The following PLEKHO1 variants were observed in gnomAD, a reference collection of about 807,000 sequenced individuals.
PLEKHO1 encodes the protein pleckstrin homology domain containing O1.
In PLEKHO1, 22 loss-of-function variants were observed where a neutral mutation model predicts 41.4. The observed-to-expected ratio is 0.53, with a 90% CI of 0.38 to 0.76. The LOEUF (loss-of-function observed/expected upper bound fraction) is 0.76. PLEKHO1 is among the 30% of genes least tolerant of loss of function. The pLI is 0.00. For missense variants in PLEKHO1, 488 were observed against 518.3 expected, an observed-to-expected ratio of 0.94 and a Z score of 0.57; for synonymous variants, 225 against 210.8, an observed-to-expected ratio of 1.07 and a Z score of -0.58.
chr1:150,150,404 G>A (rs587737670), intron 1 of PLEKHO1, 117 bp downstream of exon 1: 94 of 371,462 alleles, frequency 2.5e-4, no homozygotes, highest in African/African-American at 2.0e-3. Flanking sequence ...CCGCCCCGGC[G>A]GCCCGGTCCC....
intron 1 of PLEKHO1, 27 bp downstream of exon 1, chr1:150,150,314 CG>C: frequency 9.5e-7 from 1 of 1,051,906 alleles, no homozygotes; most frequent in Non-Finnish European, 1.2e-6. Flanking sequence ...GCCCTGCGGC[CG>C]CCGCCGCCTC....
intron 2 of PLEKHO1, chr1:150,154,797 G>A (rs1335817217): frequency 6.6e-6 from 1 of 152,206 alleles, no homozygotes; most frequent in African/African-American, 2.4e-5. Flanking sequence ...CCAGGAAAAC[G>A]TGACCAGGTT....
In PLEKHO1 at chr1:150,149,927, G is replaced by A. The variant is rs1214333710; in HGVS notation, c.-331G>A. On this transcript the variant is annotated 5_prime_UTR_variant, in exon 1 of 6. Transcript: ENST00000369124. ...GGACTGGGCCGCCCACAGCGCACCG[G>A]GCCGGGGGAGCGGCCGCGCTGGGCC... The A allele has an allele frequency of 6.6e-6, 1 of 151,196 alleles. No homozygotes were observed. Among genetic ancestry groups the A allele is most frequent in the Admixed American group, 6.6e-5 (1 of 15,154 alleles). 9.4% of individuals were successfully genotyped at this position (151,196 alleles called of 1,614,324 possible).
Position 150,157,411 on chromosome 1 carries a change from T to C in PLEKHO1, c.450T>C (p.Leu150=). The C allele has an allele frequency of 6.2e-7, 1 of 1,613,980 alleles. No individual in the cohort carries two copies. Among genetic ancestry groups the C allele is most frequent in the South Asian group, 1.1e-5 (1 of 91,070 alleles). The stretch of plus-strand genomic sequence containing the variant: ...TCACCGTTGAGGAGGACAGCTATCT[T>C]GCCCATCCCACTCGAGACAGGGCAA... ...DEVTVEEDSY[L]AHPTRDRAKI... The change falls in exon 5 of 6, where the codon CTT becomes CTC. Residue 150 remains leucine (L), a synonymous_variant. Coordinates refer to ENST00000369124, the MANE Select transcript of PLEKHO1 (RefSeq NM_016274.6).
chr1:150,159,121 ATC>A lies in PLEKHO1; in HGVS notation c.831_832del (p.Gln278AlafsTer14). On this transcript the variant is annotated frameshift_variant, in exon 6 of 6. Coordinates refer to ENST00000369124, the MANE Select transcript of PLEKHO1 (RefSeq NM_016274.6). LOFTEE classifies it high-confidence loss of function. Reference sequence around the variant, plus strand: ...GCTGCGCCTCCCTGGAGGAGATCCTATCTCAGCGGGATGCTGCCTCTGCCCGC... The same window carrying A: ...GCTGCGCCTCCCTGGAGGAGATCCTATCAGCGGGATGCTGCCTCTGCCCGC... ...GRCASLEEILSQRDAASARTL... is the reference protein window; with the variant it reads ...GRCASLEEILXQRDAASARTL... The A allele has an allele frequency of 1.9e-6, 3 of 1,612,592 alleles. No homozygotes were observed. Among genetic ancestry groups the A allele is most frequent in the Non-Finnish European group, 2.5e-6 (3 of 1,179,544 alleles).
At position 150,150,970 on chromosome 1, in the gene PLEKHO1, A is replaced by G. The variant is rs1659899150; in HGVS notation, c.89A>G (p.Lys30Arg). 6.2e-7 allele frequency: 1 copy of G among 1,614,154 alleles called. No homozygotes were observed. The highest frequency in any genetic ancestry group is 2.2e-5 in the East Asian group (1 of 44,874). The change falls in exon 2 of 6, where the codon AAA becomes AGA. Residue 30 changes from lysine to arginine, a missense_variant. This residue lies in a region of PLEKHO1 where 92 missense variants were observed against 82.3 expected (regional missense o/e 1.12). Transcript: ENST00000369124. ...APPEKVGWVRKFCGKGIFREI... is the reference protein window; with the variant it reads ...APPEKVGWVRRFCGKGIFREI... ...CCCGAGAAGGTCGGCTGGGTCCGGA[A>G]ATTCTGCGGGAAAGGGATTTTCAGG...
At position 150,159,972 on chromosome 1, in the gene PLEKHO1, A is replaced by G. The variant is rs1410216798; in HGVS notation, c.*449A>G. On this transcript the variant is annotated 3_prime_UTR_variant, in exon 6 of 6. Coordinates refer to ENST00000369124, the MANE Select transcript of PLEKHO1 (RefSeq NM_016274.6). ...CAGCTGCCCAACTCTAGTTGTAGGG[A>G]TGTGGAGGCCAGTGTCACCTGTCCG... is the stretch of plus-strand genomic sequence containing the variant. 5 of 156,608 alleles carry G rather than the reference A, an allele frequency of 3.2e-5. No homozygotes were observed. Among genetic ancestry groups the G allele is most frequent in the African/African-American group, 1.2e-4 (5 of 41,542 alleles). The allele number at this position is 156,608 out of a possible 1,614,324, so 9.7% of individuals were successfully genotyped here.
In PLEKHO1 at chr1:150,159,571, C is replaced by T. The variant is rs1553821741; in HGVS notation, c.*48C>T. Reference sequence around the variant, plus strand: ...TGTCGGGTTGGACAGACTCTTATCTCCGTGTTGCTGGATAAAGCTTTTTTA... The same window carrying T: ...TGTCGGGTTGGACAGACTCTTATCTTCGTGTTGCTGGATAAAGCTTTTTTA... On this transcript the variant is annotated 3_prime_UTR_variant, in exon 6 of 6. Transcript: ENST00000369124. 8.0e-7 allele frequency: 1 copy of T among 1,249,472 alleles called. No homozygotes were observed. Among genetic ancestry groups the T allele is most frequent in the Admixed American group, 2.7e-5 (1 of 37,470 alleles). The allele number at this position is 1,249,472 out of a possible 1,614,324, so 77.4% of individuals were successfully genotyped here.
At position 150,156,997 on chromosome 1, in the gene PLEKHO1, G is replaced by A. The variant is rs1317450688; in HGVS notation, c.405G>A (p.Lys135=). The change falls in exon 4 of 6, where the codon AAG becomes AAA. Residue 135 remains lysine, a synonymous_variant. Transcript: ENST00000369124. ...TCAACTCTGCCATCACCCGAGCCAA[G>A]AACCGTATCTTGGATGAGGTCAGGG... ...NALNSAITRA[K]NRILDEVTVE... is the part of the protein sequence containing the mutation. 6.2e-7 allele frequency: 1 copy of A among 1,610,994 alleles called. No homozygotes were observed. The highest frequency in any genetic ancestry group is 1.3e-5 in the African/African-American group (1 of 74,964).
intron 2 of PLEKHO1, chr1:150,153,442 A>G (rs1168078508): frequency 3.3e-5 from 5 of 150,238 alleles, no homozygotes; most frequent in African/African-American, 1.2e-4. Context: ...TCCTGCCTCA[A>G]CCTCCTGAAA....
intron 2 of PLEKHO1, among the ~76,000 whole-genome samples, chr1:150,151,561 C>T (rs1467706158): frequency 1.3e-5 from 2 of 152,308 alleles, no homozygotes; most frequent in East Asian, 1.9e-4. Flanking sequence ...CCCCTGTGAC[C>T]TCGGGTGTGT....
intron 2 of PLEKHO1, among the ~76,000 whole-genome samples, chr1:150,153,269 C>T (rs115889220): frequency 0.014 from 2,127 of 152,260 alleles, 47 homozygotes; most frequent in African/African-American, 0.046. Context: ...CTCACTGCTG[C>T]CTTGACCTCC....
Position 150,150,941 on chromosome 1 carries a change from A to G in PLEKHO1, c.60A>G (p.Ala20=), listed in dbSNP as rs782070423. 2 of 1,614,040 alleles carry G rather than the reference A, an allele frequency of 1.2e-6. No individual in the cohort carries two copies. Among genetic ancestry groups the G allele is most frequent in the Non-Finnish European group, 8.5e-7 (1 of 1,179,894 alleles). The change falls in exon 2 of 6, where the codon GCA becomes GCG. Residue 20 remains alanine (A), a synonymous_variant. Coordinates refer to ENST00000369124, the MANE Select transcript of PLEKHO1 (RefSeq NM_016274.6). ...RGPQDGNQQP[A]PPEKVGWVRK... ...CTCAGGATGGAAACCAGCAGCCTGC[A>G]CCGCCCGAGAAGGTCGGCTGGGTCC...
Position 150,159,018 on chromosome 1 carries a change from G to C in PLEKHO1, c.725G>C (p.Arg242Pro), listed in dbSNP as rs1553821259. Residue 242 changes from arginine to proline, a missense_variant, in exon 6 of 6, where the codon CGA becomes CCA. Around this residue, in one of 3 missense-constraint regions of PLEKHO1, gnomAD observed 337 missense variants for 324.6 expected, o/e 1.04. Transcript: ENST00000369124. ...GCAGACCGGGCAAGCAGTCTCTCCCGACCTTGGGAAAAAACAGACAAAGGG... is the reference window on the plus strand; with the variant it reads ...GCAGACCGGGCAAGCAGTCTCTCCCCACCTTGGGAAAAAACAGACAAAGGG... Reference protein sequence around the residue: ...PSADRASSLSRPWEKTDKGAT... With the variant: ...PSADRASSLSPPWEKTDKGAT... 1.9e-6 allele frequency: 3 copies of C among 1,614,000 alleles called. No homozygotes were observed. Among genetic ancestry groups the C allele is most frequent in the Non-Finnish European group, 2.5e-6 (3 of 1,179,974 alleles).
intron 2 of PLEKHO1, among the ~76,000 whole-genome samples, chr1:150,151,891 G>A (rs782510022): frequency 6.6e-6 from 1 of 152,108 alleles, no homozygotes; most frequent in Non-Finnish European, 1.5e-5. Flanking sequence ...AATCAGAATT[G>A]CCCCTACAGT....
intron 5 of PLEKHO1, 60 bp from the exon 6 acceptor site, chr1:150,158,759 G>T: frequency 8.5e-7 from 1 of 1,181,700 alleles, no homozygotes; most frequent in Non-Finnish European, 1.2e-6. Context: ...CTTTTAGGCA[G>T]TCATTCCGAA....
intron 3 of PLEKHO1, 98 bp from the exon 4 acceptor site, chr1:150,156,813 G>A: frequency 1.3e-6 from 1 of 773,446 alleles, no homozygotes; most frequent in Non-Finnish European, 2.3e-6. Flanking sequence ...CCTGGAGCTA[G>A]GTCTAAGAAA....
Position 150,156,138 on chromosome 1 carries a change from T to TCC in PLEKHO1, c.251_252dup (p.Lys85ProfsTer27). The stretch of plus-strand genomic sequence containing the variant: ...TGAGAAGTGTGAAGAGCTCCGGAAG[T>TCC]CCAAGAGCAGGAGCAAGAAAAATCA... On this transcript the variant is annotated frameshift_variant, in exon 3 of 6. Coordinates refer to ENST00000369124, the MANE Select transcript of PLEKHO1 (RefSeq NM_016274.6). LOFTEE classifies it high-confidence loss of function. 1 of 1,613,716 alleles carries TCC rather than the reference T, an allele frequency of 6.2e-7. No homozygotes were observed.
Position 150,158,977 on chromosome 1 carries a change from C to T in PLEKHO1, c.684C>T (p.Asp228=). ...GGAGCCGGCGGAGAGCGGACTCAGACCGCATCCAGCCCTCCGCAGACCGGG... is the reference window on the plus strand; with the variant it reads ...GGAGCCGGCGGAGAGCGGACTCAGATCGCATCCAGCCCTCCGCAGACCGGG... ...LAGSRRRADS[D]RIQPSADRAS... Residue 228 remains aspartate, a synonymous_variant, in exon 6 of 6, where the codon GAC becomes GAT. Transcript: ENST00000369124. 6.2e-7 allele frequency: 1 copy of T among 1,614,206 alleles called. No homozygotes were observed. Among genetic ancestry groups the T allele is most frequent in the Non-Finnish European group, 8.5e-7 (1 of 1,180,032 alleles).
Sources: allele counts gnomAD v4.1 joint callset (sites outside exome capture counted in the v4.1 genomes callset), GRCh38; gene constraint gnomAD v4.1.1; regional missense constraint gnomAD v4.1.1; transcripts MANE v1.5; gene names NCBI Gene and HGNC (gene_info 2026-07-23, HGNC 2026-07-21).